The following LIPG variants were observed in gnomAD, a reference collection of about 807,000 sequenced individuals.
The protein encoded by LIPG is lipase G, endothelial type.
In LIPG, 34 loss-of-function variants were observed where a neutral mutation model predicts 51.8. The ratio of observed to expected loss-of-function variants is 0.66; its 90% CI spans 0.50 to 0.87. LIPG has a LOEUF of 0.87. LIPG is among the 40% of genes least tolerant of loss of function. The pLI is 0.00. For missense variants in LIPG, 580 were observed against 652.7 expected (o/e 0.89, Z 1.21); for synonymous variants, 246 against 246.1 (o/e 1.00, Z 0.00).
chr18:49,576,739 G>A (rs2084723226), intron 5 of LIPG, among the ~76,000 whole-genome samples: 1 of 151,920 alleles, frequency 6.6e-6, no homozygotes, highest in African/African-American at 2.4e-5. Context: ...CCAAAGTGCT[G>A]GGATTACAGG....
intron 1 of LIPG, among the ~76,000 whole-genome samples, chr18:49,562,976 T>A (rs1167500158): frequency 1.3e-5 from 2 of 152,176 alleles, no homozygotes; most frequent in African/African-American, 4.8e-5. Context: ...CTCCCCCGAC[T>A]CTTCCTCTTC....
In LIPG at chr18:49,597,566, A is replaced by C. The variant is rs1375213143; in HGVS notation, c.*7044A>C. On this transcript the variant is annotated 3_prime_UTR_variant, in exon 10 of 10. Coordinates refer to ENST00000261292, the MANE Select transcript of LIPG (RefSeq NM_006033.4). ...ATACCATTTAACCTTGACTTTCCTT[A>C]AATCATACCGGTGCGTGTGTGTGTG... 1 of 152,258 alleles carries C rather than the reference A, an allele frequency of 6.6e-6. No individual in the cohort carries two copies. The highest frequency in any genetic ancestry group is 1.9e-4 in the East Asian group (1 of 5,206). 9.4% of individuals were successfully genotyped at this position (152,258 alleles called of 1,614,324 possible). A position where few individuals can be genotyped will look rare whatever the true frequency, so the allele number is the denominator to read the frequency against.
chr18:49,582,230 G>A, intron 6 of LIPG, 132 bp from the exon 7 acceptor site: 1 of 1,056,644 alleles, frequency 9.5e-7, no homozygotes. Flanking sequence ...AGAGCAGATG[G>A]GGGCTGCAGG....
chr18:49,584,098 G>T (rs923116763), intron 8 of LIPG, among the ~76,000 whole-genome samples: 12 of 152,112 alleles, frequency 7.9e-5, no homozygotes, highest in Admixed American at 7.9e-4. Flanking sequence ...TAGGAGTGCT[G>T]CCTTGTCGAT....
At chr18:49,573,279 C>T (rs2084682299) in intron 4 of LIPG, among the ~76,000 whole-genome samples, 1 of 152,226 alleles carries the variant, frequency 6.6e-6, no homozygotes, top group Non-Finnish European at 1.5e-5. Flanking sequence ...GTCAGTACTG[C>T]GGTCCTTGCG....
intron 6 of LIPG, 27 bp from the exon 7 acceptor site, chr18:49,582,335 A>G (rs758412711): frequency 3.1e-6 from 5 of 1,614,092 alleles, no homozygotes; most frequent in Non-Finnish European, 3.4e-6. Context: ...AAGGGTTACA[A>G]GCATCTTTGT....
chr18:49,583,516 G>C, intron 7 of LIPG, 40 bp from the exon 8 acceptor site: 1 of 1,576,388 alleles, frequency 6.3e-7, no homozygotes, highest in Non-Finnish European at 8.7e-7. Flanking sequence ...CAGTTTTCCA[G>C]CTGTTAGGGG....
In LIPG at chr18:49,598,850, G is replaced by C. The variant is rs2084995322; in HGVS notation, c.*8328G>C. 1 of 152,192 alleles carries C rather than the reference G, an allele frequency of 6.6e-6. No homozygotes were observed. Among genetic ancestry groups the C allele is most frequent in the South Asian group, 2.1e-4 (1 of 4,834 alleles). 9.4% of individuals were successfully genotyped at this position (152,192 alleles called of 1,614,324 possible). On this transcript the variant is annotated 3_prime_UTR_variant, in exon 10 of 10. Coordinates refer to ENST00000261292, the MANE Select transcript of LIPG (RefSeq NM_006033.4). ...TTCTAGAATTTTGTATAAGTGGAGT[G>C]TATCTACAGTATGTTCTCTTTTGTG...
chr18:49,577,560 G>A (rs1469057093), intron 5 of LIPG, among the ~76,000 whole-genome samples: 1 of 149,688 alleles, frequency 6.7e-6, no homozygotes, highest in Non-Finnish European at 1.5e-5. Flanking sequence ...GTGGTGGCCG[G>A]GCAGAGGGGC....
intron 5 of LIPG, among the ~76,000 whole-genome samples, chr18:49,578,000 C>G (rs1335739754): frequency 7.8e-4 from 102 of 130,600 alleles, no homozygotes; most frequent in Middle Eastern, 5.3e-3. Context: ...TCCCGGACGG[C>G]ACGGCTGGCC....
chr18:49,566,388 C>T (rs1264355571), intron 2 of LIPG, among the ~76,000 whole-genome samples: 1 of 152,148 alleles, frequency 6.6e-6, no homozygotes, highest in Non-Finnish European at 1.5e-5. Context: ...TACAAGCTGC[C>T]TGCGACTTAC....
At chr18:49,583,325 T>A (rs2084844136) in intron 7 of LIPG, among the ~76,000 whole-genome samples, 1 of 152,154 alleles carries the variant, frequency 6.6e-6, no homozygotes, top group Non-Finnish European at 1.5e-5. Flanking sequence ...CAGGAATCGT[T>A]TTGATAAGAA....
At chr18:49,580,373 G>A (rs2084806082) in intron 5 of LIPG, among the ~76,000 whole-genome samples, 2 of 152,196 alleles carry the variant, frequency 1.3e-5, no homozygotes, top group South Asian at 4.1e-4. Context: ...AAATGTTTTA[G>A]GTTTTGTGGG....
In LIPG at chr18:49,576,391, T is replaced by C. The variant is rs375789904; in HGVS notation, c.793+801T>C. ...TATTTTAATTTTTTTCAACTTTCTT[T>C]TTTTTCCTGTAATAATATATTATGG... On this transcript the variant is annotated intron_variant, in intron 5 of 9. Coordinates refer to ENST00000261292, the MANE Select transcript of LIPG (RefSeq NM_006033.4). 2.3e-4 allele frequency among the ~76,000 whole-genome samples: 35 copies of C among 151,550 alleles called. No individual in the cohort carries two copies. In the East Asian group the frequency reaches 5.6e-3, roughly 24 times the overall value.
At chr18:49,563,737 G>T (rs1463934958) in intron 1 of LIPG, among the ~76,000 whole-genome samples, 1 of 152,050 alleles carries the variant, frequency 6.6e-6, no homozygotes, top group African/African-American at 2.4e-5. Flanking sequence ...GAGCCATGAG[G>T]ACATCTGGGT....
intron 4 of LIPG, among the ~76,000 whole-genome samples, chr18:49,573,861 T>A (rs148258362): frequency 9.2e-5 from 14 of 152,296 alleles, no homozygotes; most frequent in African/African-American, 2.9e-4. Context: ...GAGGCCAGGT[T>A]TTCTCAGCCT....
At chr18:49,580,634 A>T (rs1408038887) in intron 5 of LIPG, among the ~76,000 whole-genome samples, 1 of 151,946 alleles carries the variant, frequency 6.6e-6, no homozygotes, top group East Asian at 1.9e-4. Context: ...CACTGTCTAT[A>T]AAACAAAAAC....
chr18:49,568,591 G>C (rs1411465390), intron 3 of LIPG, among the ~76,000 whole-genome samples: 2 of 151,548 alleles, frequency 1.3e-5, no homozygotes, highest in Non-Finnish European at 2.9e-5. Context: ...ATGTTGGCCA[G>C]ACTAGTTTCT....
In LIPG at chr18:49,569,467, C is replaced by T. The variant is rs932686254; in HGVS notation, c.490C>T (p.His164Tyr). 8.7e-6 allele frequency: 14 copies of T among 1,614,180 alleles called. No homozygotes were observed. Among genetic ancestry groups the T allele is most frequent in the Non-Finnish European group, 1.2e-5 (14 of 1,180,032 alleles). Residue 164 changes from histidine to tyrosine, a missense_variant, in exon 4 of 10, where the codon CAC becomes TAC. By Grantham distance (83) the His-to-Tyr change is moderately conservative. Transcript: ENST00000261292. Reference sequence around the variant, plus strand: ...GGACGATTTTTCTCTCGGGAATGTCCACTTGATCGGCTACAGCCTCGGAGC... The same window carrying T: ...GGACGATTTTTCTCTCGGGAATGTCTACTTGATCGGCTACAGCCTCGGAGC... ...EKDDFSLGNV[H>Y]LIGYSLGAHV...
Sources: gnomAD v4.1 joint callset for allele counts (sites outside exome capture counted in the v4.1 genomes callset) on GRCh38, gnomAD v4.1.1 for gene constraint, MANE v1.5 for transcripts, NCBI Gene and HGNC (gene_info 2026-07-23, HGNC 2026-07-21) for gene names.